ERMARD: variants seen among roughly 807,000 people sequenced by gnomAD.
ERMARD encodes ER membrane associated RNA degradation.
ERMARD carries 71 observed loss-of-function variants against 83.9 expected under a neutral mutation model. The observed-to-expected ratio is 0.85, with a 90% CI of 0.70 to 1.03. The LOEUF is 1.03. ERMARD is among the 50% of genes least tolerant of loss of function. The pLI is 0.00. For missense variants in ERMARD, 838 were observed against 810.9 expected (o/e 1.03, Z -0.41); for synonymous variants, 284 against 298.6 (o/e 0.95, Z 0.50).
In ERMARD at chr6:169,759,889, G is replaced by GAGTT. The variant is rs1791310307; in HGVS notation, c.659_662dup (p.Tyr221Ter). 1 of 1,614,202 alleles carries GAGTT rather than the reference G, an allele frequency of 6.2e-7. No individual in the cohort carries two copies. Among genetic ancestry groups the GAGTT allele is most frequent in the Non-Finnish European group, 8.5e-7 (1 of 1,180,046 alleles). On this transcript the variant is annotated frameshift_variant, in exon 7 of 18. Coordinates refer to ENST00000366773, the MANE Select transcript of ERMARD (RefSeq NM_018341.3). LOFTEE classifies it high-confidence loss of function. Reference sequence around the variant, plus strand: ...CGGCAGGATTGGGTCAGTTACTGAAGAGTTACCTTCAAAACACTAAACTTA... The same window carrying GAGTT: ...CGGCAGGATTGGGTCAGTTACTGAAGAGTTAGTTACCTTCAAAACACTAAACTTA...
rs1357211234 is a variant in ERMARD, at chr6:169,779,198, C to T, written c.1756C>T (p.Pro586Ser). ...TGTTTTTAGTATCAGACTACTGTCCCCTGTGCTCAGCCTGATACTGTTACT... is the reference window on the plus strand; with the variant it reads ...TGTTTTTAGTATCAGACTACTGTCCTCTGTGCTCAGCCTGATACTGTTACT... ...RMWSSIRLLS[P>S]VLSLILLLIA... is the part of the protein sequence containing the mutation. Residue 586 changes from proline to serine, a missense_variant, in exon 17 of 18, where the codon CCT (proline) becomes TCT (serine). Coordinates refer to ENST00000366773, the MANE Select transcript of ERMARD (RefSeq NM_018341.3). The T allele has an allele frequency of 2.5e-6, 4 of 1,613,988 alleles. No individual in the cohort carries two copies. The highest frequency in any genetic ancestry group is 3.4e-6 in the Non-Finnish European group (4 of 1,179,954).
intron 10 of ERMARD, 102 bp from the exon 11 acceptor site, chr6:169,768,001 A>C (rs1011296090): frequency 1.1e-6 from 1 of 902,002 alleles, no homozygotes; most frequent in Non-Finnish European, 1.8e-6. Context: ...TAGACCTTAG[A>C]TAACAAGTTA....
chr6:169,763,017 CAT>C (rs1390361136), intron 9 of ERMARD, among the ~76,000 whole-genome samples: 4 of 152,216 alleles, frequency 2.6e-5, no homozygotes, highest in Non-Finnish European at 1.5e-5. Context: ...TGAGCCCCTC[CAT>C]GTGTGTACAC....
rs749093864 is a variant in ERMARD at position 169,759,837 on chromosome 6, G to A, written c.606-1G>A. ...TAACAGATCTCTATGGTATTTCCTA[G>A]ATACTGTTCAATGATGATACTGTTG... is the stretch of plus-strand genomic sequence containing the variant. On this transcript the variant is annotated splice_acceptor_variant, in intron 6 of 17. Transcript: ENST00000366773. LOFTEE classifies it high-confidence loss of function. The A allele has an allele frequency of 5.0e-6, 8 of 1,612,990 alleles. No homozygotes were observed. Among genetic ancestry groups the A allele is most frequent in the Non-Finnish European group, 6.8e-6 (8 of 1,179,010 alleles).
intron 2 of ERMARD, 116 bp from the exon 3 acceptor site, chr6:169,755,167 A>G: frequency 8.4e-7 from 1 of 1,190,344 alleles, no homozygotes; most frequent in Non-Finnish European, 1.2e-6. Context: ...TGGTAAGCTA[A>G]TTGTTGATTT....
At chr6:169,759,138 G>T (rs2128344359) in intron 6 of ERMARD, 73 bp downstream of exon 6, 1 of 1,286,080 alleles carries the variant, frequency 7.8e-7, no homozygotes, top group Non-Finnish European at 1.1e-6. Context: ...TGAATTTCAT[G>T]AGAAGGAAAT....
intron 12 of ERMARD, chr6:169,771,452 A>T (rs943637304): frequency 6.6e-6 from 1 of 152,198 alleles, no homozygotes; most frequent in African/African-American, 2.4e-5. Flanking sequence ...GGAGTAAGGT[A>T]CAGAATCTAG....
At position 169,773,523 on chromosome 6, in the gene ERMARD, G is replaced by A. The variant is rs1004347592; in HGVS notation, c.1317+121G>A. On this transcript the variant is annotated intron_variant, in intron 13 of 17. Transcript: ENST00000366773. Reference sequence around the variant, plus strand: ...TCAGACTTTGAGTTGGGCAGATCCAGCTTTTTAACCAGTGCGGGGCCTGCT... The same window carrying A: ...TCAGACTTTGAGTTGGGCAGATCCAACTTTTTAACCAGTGCGGGGCCTGCT... 6.3e-6 allele frequency: 6 copies of A among 958,480 alleles called. No homozygotes were observed. The Admixed American group carries it at 1.0e-4, about 16-fold the overall frequency. The allele number at this position is 958,480 out of a possible 1,614,324, so 59.4% of individuals were successfully genotyped here.
intron 13 of ERMARD, among the ~76,000 whole-genome samples, chr6:169,774,975 C>T (rs1793408320): frequency 6.6e-6 from 1 of 152,186 alleles, no homozygotes; most frequent in Admixed American, 6.5e-5. Context: ...GGCCAGTCGC[C>T]AGAGCTCGTG....
Position 169,773,303 on chromosome 6 carries a change from G to C in ERMARD, c.1234-16G>C, listed in dbSNP as rs371987913. Reference sequence around the variant, plus strand: ...CCACCCAAACATGATAGTAACCACTGTTTTCTCTGCACTAGGAAAAATCAG... The same window carrying C: ...CCACCCAAACATGATAGTAACCACTCTTTTCTCTGCACTAGGAAAAATCAG... On this transcript the variant is annotated splice_polypyrimidine_tract_variant and intron_variant, in intron 12 of 17. Coordinates refer to ENST00000366773, the MANE Select transcript of ERMARD (RefSeq NM_018341.3). The C allele has an allele frequency of 3.1e-6, 5 of 1,612,900 alleles. No individual in the cohort carries two copies. In the African/African-American group the frequency reaches 5.3e-5, roughly 17 times the overall value.
At chr6:169,768,809 T>C (rs1280263821) in intron 11 of ERMARD, among the ~76,000 whole-genome samples, 1 of 152,190 alleles carries the variant, frequency 6.6e-6, no homozygotes, top group Non-Finnish European at 1.5e-5. Flanking sequence ...GATTGAGTAT[T>C]GGATGAAAAG....
In ERMARD at chr6:169,769,573, G is replaced by A; in HGVS notation, c.1093G>A (p.Gly365Ser). 1.9e-6 allele frequency: 3 copies of A among 1,603,792 alleles called. No homozygotes were observed. The highest frequency in any genetic ancestry group is 2.6e-6 in the Non-Finnish European group (3 of 1,176,452). ...FLWDFLNHQE[G>S]PRIRDHLSHG... ...CTGGGATTTCCTGAACCATCAGGAGGGTCCCCGCATAAGAGATCATTTAAG... is the reference window on the plus strand; with the variant it reads ...CTGGGATTTCCTGAACCATCAGGAGAGTCCCCGCATAAGAGATCATTTAAG... Residue 365 changes from glycine (G) to serine (S), a missense_variant, in exon 12 of 18, where the codon GGT becomes AGT. By Grantham distance (56) the Gly-to-Ser change is moderately conservative (BLOSUM62 0). Transcript: ENST00000366773.
intron 16 of ERMARD, among the ~76,000 whole-genome samples, chr6:169,777,008 T>G (rs1451488679): frequency 2.0e-5 from 3 of 152,200 alleles, no homozygotes; most frequent in Non-Finnish European, 4.4e-5. Flanking sequence ...AGGTGTACAT[T>G]GGTTCCATCT....
rs1794198503 is a variant in ERMARD, at chr6:169,781,533, CTTTTAAT to C, written c.*24_*30del. ...TTATGAAAACTTGTAAGTCAGGATG[CTTTTAAT>C]TTTAACAGATTTTAACAGCGTGTAA... On this transcript the variant is annotated 3_prime_UTR_variant, in exon 18 of 18. Coordinates refer to ENST00000366773, the MANE Select transcript of ERMARD (RefSeq NM_018341.3). 2 of 1,569,556 alleles carry C rather than the reference CTTTTAAT, an allele frequency of 1.3e-6. No homozygotes were observed.
Position 169,769,663 on chromosome 6 carries a change from C to T in ERMARD, c.1183C>T (p.Leu395Phe), listed in dbSNP as rs751533992. The change falls in exon 12 of 18, where the codon CTT becomes TTT. Residue 395 changes from leucine (L) to phenylalanine (F), a missense_variant. By Grantham distance (22) the Leu-to-Phe change is conservative (BLOSUM62 0). Transcript: ENST00000366773. Reference sequence around the variant, plus strand: ...AACTAATCAGTTGCTTGCATTTTCTCTTGTACTGCTACTCAGATTCGTTGA... The same window carrying T: ...AACTAATCAGTTGCTTGCATTTTCTTTTGTACTGCTACTCAGATTCGTTGA... ...ETTNQLLAFS[L>F]VLLLRFVDDC... is the part of the protein sequence containing the mutation. 3.1e-6 allele frequency: 5 copies of T among 1,612,148 alleles called. No individual in the cohort carries two copies. The highest frequency in any genetic ancestry group is 3.3e-5 in the Admixed American group (2 of 59,712).
chr6:169,751,728 G>A (rs1050474518), intron 1 of ERMARD, 65 bp downstream of exon 1: 1 of 1,496,604 alleles, frequency 6.7e-7, no homozygotes, highest in Non-Finnish European at 8.9e-7. Flanking sequence ...AGGCTGGGTG[G>A]TGCTCGGCTA....
At chr6:169,761,604 C>CA (rs1791560985) in intron 8 of ERMARD, among the ~76,000 whole-genome samples, 1 of 152,210 alleles carries the variant, frequency 6.6e-6, no homozygotes, top group African/African-American at 2.4e-5. Flanking sequence ...AATGGTTCAT[C>CA]AAACATTAAA....
In ERMARD at chr6:169,769,721, A is replaced by G. The variant is rs974534979; in HGVS notation, c.1233+8A>G. ...CTGCTATCAGTTTTTAAGGTAATTTATAGGGAAGAAAATCATTAATTAGAT... is the reference window on the plus strand; with the variant it reads ...CTGCTATCAGTTTTTAAGGTAATTTGTAGGGAAGAAAATCATTAATTAGAT... On this transcript the variant is annotated splice_region_variant and intron_variant, in intron 12 of 17. Coordinates refer to ENST00000366773, the MANE Select transcript of ERMARD (RefSeq NM_018341.3). 6.3e-7 allele frequency: 1 copy of G among 1,582,362 alleles called. No individual in the cohort carries two copies. The highest frequency in any genetic ancestry group is 8.6e-7 in the Non-Finnish European group (1 of 1,164,402).
At chr6:169,767,894 C>A in intron 10 of ERMARD, 3 of 582,574 alleles carry the variant, frequency 5.1e-6, no homozygotes, top group Non-Finnish European at 9.2e-6. Context: ...CATGTGTATA[C>A]AATTATTAAT....
Sources: gnomAD v4.1 joint callset for allele counts (sites outside exome capture counted in the v4.1 genomes callset) on GRCh38, gnomAD v4.1.1 for gene constraint, MANE v1.5 for transcripts, NCBI Gene and HGNC (gene_info 2026-07-23, HGNC 2026-07-21) for gene names.